The following OSBPL9 variants were observed in gnomAD, a reference collection of about 807,000 sequenced individuals.
OSBPL9 encodes oxysterol-binding protein-related protein 9.
A neutral mutation model predicts 106.6 loss-of-function variants in OSBPL9; 40 were observed. The ratio of observed to expected loss-of-function variants is 0.38; its 90% CI spans 0.29 to 0.49. OSBPL9 has a LOEUF of 0.49. Among genes scored for constraint, OSBPL9 ranks in the 20% least tolerant of loss-of-function variants. The pLI is 0.97. For missense variants in OSBPL9, 609 were observed against 887.2 expected, an observed-to-expected ratio of 0.69 and a Z score of 3.98; for synonymous variants, 269 against 295.4, an observed-to-expected ratio of 0.91 and a Z score of 0.92.
chr1:51,763,767 C>G (rs1332080917), intron 11 of OSBPL9, among the ~76,000 whole-genome samples: 1 of 152,130 alleles, frequency 6.6e-6, no homozygotes, highest in African/African-American at 2.4e-5. Context: ...AATATTTTGG[C>G]TGACTTCTGT....
At chr1:51,578,710 T>C (rs1645201704) in intron 1 of OSBPL9, among the ~76,000 whole-genome samples, 1 of 152,160 alleles carries the variant, frequency 6.6e-6, no homozygotes, top group Admixed American at 6.6e-5. Context: ...CTGTGCCAGG[T>C]ATCAGGTGCA....
At chr1:51,773,202 C>T (rs531143390) in intron 14 of OSBPL9, among the ~76,000 whole-genome samples, 1 of 152,300 alleles carries the variant, frequency 6.6e-6, no homozygotes, top group East Asian at 1.9e-4. Flanking sequence ...TCTCCTGCCT[C>T]AGCCTCCTTG....
chr1:51,697,294 C>T (rs1056438353), intron 3 of OSBPL9, among the ~76,000 whole-genome samples: 16 of 152,104 alleles, frequency 1.1e-4, no homozygotes, highest in Admixed American at 3.3e-4. Context: ...TTGTTTTATC[C>T]TTGCTCATAT....
chr1:51,530,711 A>C, the OSBPL9 span, among the ~76,000 whole-genome samples: 10 of 151,962 alleles, frequency 6.6e-5, no homozygotes, highest in Non-Finnish European at 1.3e-4. Flanking sequence ...AAAAATTAAA[A>C]TTATGGCCTG....
chr1:51,760,916 C>A, intron 10 of OSBPL9, 136 bp downstream of exon 10: 1 of 903,666 alleles, frequency 1.1e-6, no homozygotes, highest in Non-Finnish European at 1.6e-6. Context: ...AATAATACAG[C>A]CAAAAGTGAA....
At chr1:51,751,390 C>T (rs567986181) in intron 8 of OSBPL9, among the ~76,000 whole-genome samples, 20 of 152,064 alleles carry the variant, frequency 1.3e-4, no homozygotes, top group Non-Finnish European at 2.9e-4. Flanking sequence ...AGTGTCAGAA[C>T]TTAGGGCTTA....
chr1:51,634,505 G>A (rs1645299369), intron 1 of OSBPL9, among the ~76,000 whole-genome samples: 1 of 152,198 alleles, frequency 6.6e-6, no homozygotes, highest in Non-Finnish European at 1.5e-5. Flanking sequence ...GCTGAAATGA[G>A]TTGACAGTCG....
At chr1:51,538,061 C>T in the OSBPL9 span, among the ~76,000 whole-genome samples, 3 of 151,990 alleles carry the variant, frequency 2.0e-5, no homozygotes, top group Non-Finnish European at 4.4e-5. Context: ...GAGGCCAAGA[C>T]GGGCAAATCA....
At chr1:51,765,488 A>G (rs1249294674) in intron 11 of OSBPL9, 2 of 165,620 alleles carry the variant, frequency 1.2e-5, no homozygotes, top group African/African-American at 4.8e-5. Context: ...GAGTCCCGGC[A>G]TCCCATTGTA....
intron 1 of OSBPL9, among the ~76,000 whole-genome samples, chr1:51,621,049 T>G (rs1279918091): frequency 1.3e-5 from 2 of 152,110 alleles, no homozygotes; most frequent in African/African-American, 4.8e-5. Flanking sequence ...ATTTTTAACA[T>G]TCATAAAACT....
intron 3 of OSBPL9, 151 bp from the exon 4 acceptor site, chr1:51,713,852 A>T (rs1366735997): frequency 1.8e-6 from 1 of 570,118 alleles, no homozygotes; most frequent in Non-Finnish European, 3.0e-6. Flanking sequence ...ATCTGTAAAA[A>T]ATATTAATAG....
the OSBPL9 span, among the ~76,000 whole-genome samples, chr1:51,543,331 CA>C: frequency 6.6e-6 from 1 of 152,342 alleles, no homozygotes; most frequent in East Asian, 1.9e-4. Context: ...AATCCTACCA[CA>C]ACTCTAAGAG....
rs534431949 is a variant in OSBPL9 at position 51,729,404 on chromosome 1, C to G, written c.318+15325C>G. The G allele has an allele frequency of 6.6e-6, 1 of 152,496 alleles. No homozygotes were observed. The highest frequency in any genetic ancestry group is 1.5e-5 in the Non-Finnish European group (1 of 68,214). 9.4% of individuals were successfully genotyped at this position (152,496 alleles called of 1,614,324 possible). On this transcript the variant is annotated intron_variant, in intron 4 of 23. Transcript: ENST00000428468. This position sits in a 1 kb window ranked among gnomAD's most constrained non-coding sequence, Gnocchi z 5.1. ...GTGAGGCACGCTGGCGCCCGCGGGC[C>G]CTTCTCCAGCCGCTACCCAGTGGGA...
intron 1 of OSBPL9, among the ~76,000 whole-genome samples, chr1:51,584,901 C>T (rs191495348): frequency 6.6e-6 from 1 of 152,206 alleles, no homozygotes; most frequent in East Asian, 1.9e-4. Flanking sequence ...GATTTCTCAC[C>T]TGTAAATGGG....
At chr1:51,724,025 A>C (rs1038562481) in intron 4 of OSBPL9, among the ~76,000 whole-genome samples, 7 of 152,102 alleles carry the variant, frequency 4.6e-5, no homozygotes, top group Non-Finnish European at 8.8e-5. Flanking sequence ...GGGCTCACTG[A>C]AACCTCCACC....
At chr1:51,608,683 G>T (rs981081409) in intron 2 of OSBPL9, among the ~76,000 whole-genome samples, 12 of 151,600 alleles carry the variant, frequency 7.9e-5, no homozygotes, top group South Asian at 4.2e-4. Context: ...GGATTGGGGG[G>T]GGGGGCTTTC....
chr1:51,762,351 A>C (rs1671703870), intron 11 of OSBPL9, among the ~76,000 whole-genome samples: 2 of 151,972 alleles, frequency 1.3e-5, no homozygotes, highest in East Asian at 3.9e-4. Flanking sequence ...TTTTGTAGAG[A>C]GGAGTCTCCC....
At chr1:51,757,648 T>C (rs1381969947) in intron 9 of OSBPL9, among the ~76,000 whole-genome samples, 1 of 152,116 alleles carries the variant, frequency 6.6e-6, no homozygotes, top group Non-Finnish European at 1.5e-5. Flanking sequence ...CTTTGAATCA[T>C]TTGCCCAGGG....
At chr1:51,766,081 G>C in intron 12 of OSBPL9, 100 bp downstream of exon 12, 1 of 1,195,806 alleles carries the variant, frequency 8.4e-7, no homozygotes, top group South Asian at 2.1e-5. Flanking sequence ...TGCCTCATCA[G>C]TTATTATTTG....
Sources: gnomAD v4.1 joint callset for allele counts (sites outside exome capture counted in the v4.1 genomes callset) on GRCh38, gnomAD v4.1.1 for gene constraint, Gnocchi (gnomAD v3.1) non-coding constraint, MANE v1.5 for transcripts, NCBI Gene and HGNC (gene_info 2026-07-23, HGNC 2026-07-21) for gene names.